COPG2: variants seen among roughly 807,000 people sequenced by gnomAD.
COPG2 encodes coatomer subunit gamma-2.
Under a neutral mutation model 46.3 loss-of-function variants are expected in COPG2, and 37 were observed. That is an observed-to-expected ratio of 0.80 (90% confidence interval 0.61 to 1.05). The LOEUF (loss-of-function observed/expected upper bound fraction) is 1.05, where lower values mean the gene tolerates loss of function less well. COPG2 is among the 50% of genes least tolerant of loss of function. The pLI is 0.00. For synonymous variants in COPG2, 159 were observed against 129.7 expected (o/e 1.23, Z -1.53); for missense variants, 427 against 387.8 (o/e 1.10, Z -0.85).
chr7:130,602,559 G>C (rs1584569256), intron 9 of COPG2, among the ~76,000 whole-genome samples: 1 of 152,116 alleles, frequency 6.6e-6, no homozygotes, highest in Non-Finnish European at 1.5e-5. Context: ...TGCAACCTCT[G>C]CCTCCTGGGT....
intron 20 of COPG2, among the ~76,000 whole-genome samples, chr7:130,537,198 A>G (rs1377060558): frequency 3.9e-5 from 6 of 152,088 alleles, no homozygotes; most frequent in African/African-American, 4.8e-5. Flanking sequence ...GGCTCCCCAG[A>G]GTGTTTTTCC....
At chr7:130,607,839 C>CA (rs1584574288) in intron 9 of COPG2, 9 of 515,548 alleles carry the variant, frequency 1.7e-5, no homozygotes, top group Middle Eastern at 6.4e-4. Context: ...AGGAGAATAG[C>CA]AAAAAAACCC....
chr7:130,533,121 G>A (rs1157676767), intron 20 of COPG2, among the ~76,000 whole-genome samples: 1 of 152,186 alleles, frequency 6.6e-6, no homozygotes, highest in East Asian at 1.9e-4. Context: ...TTATGGAGCC[G>A]AGCAGCTTAG....
chr7:130,653,052 T>C lies in COPG2; in HGVS notation c.244-104A>G. 4.2e-6 allele frequency: 3 copies of C among 710,570 alleles called. 1 individual carries two copies. The East Asian group carries it at 8.6e-5, about 20-fold the overall frequency. The allele number at this position is 710,570 out of a possible 1,614,324, so 44.0% of individuals were successfully genotyped here. A position where few individuals can be genotyped will look rare whatever the true frequency, so the allele number is the denominator to read the frequency against. On this transcript the variant is annotated intron_variant, in intron 4 of 23. Transcript: ENST00000425248. ...GTAGATATATATTTTAGAAAGATAT[T>C]CTTTAAAAGAGTCTCATCTACCAAA...
intron 21 of COPG2, 153 bp from the exon 22 acceptor site, chr7:130,507,976 C>T (rs1228822733): frequency 8.3e-6 from 5 of 600,648 alleles, no homozygotes; most frequent in Non-Finnish European, 1.5e-5. Flanking sequence ...ATGTTGTAGC[C>T]CTTAGCAAAG....
At chr7:130,517,476 A>T (rs1799688917) in intron 20 of COPG2, among the ~76,000 whole-genome samples, 1 of 152,218 alleles carries the variant, frequency 6.6e-6, no homozygotes, top group South Asian at 2.1e-4. Context: ...CTGTAGGTAG[A>T]AATTTTTGGT....
chr7:130,544,032 T>A (rs905500065), intron 20 of COPG2, among the ~76,000 whole-genome samples: 2 of 152,314 alleles, frequency 1.3e-5, no homozygotes, highest in African/African-American at 4.8e-5. Flanking sequence ...AAAGCCAGAC[T>A]GAAGCAAATT....
At chr7:130,575,791 T>C (rs1006431950) in intron 9 of COPG2, among the ~76,000 whole-genome samples, 19 of 152,222 alleles carry the variant, frequency 1.2e-4, no homozygotes, top group African/African-American at 3.6e-4. Flanking sequence ...AACTGCAAAA[T>C]GGATAACAAC....
At chr7:130,659,056 T>C (rs1338003695) in intron 4 of COPG2, among the ~76,000 whole-genome samples, 1 of 151,900 alleles carries the variant, frequency 6.6e-6, no homozygotes, top group South Asian at 2.1e-4. Flanking sequence ...GGCAAATAAG[T>C]ACATGAAAAT....
intron 5 of COPG2, among the ~76,000 whole-genome samples, chr7:130,630,617 A>C (rs1554455033): frequency 1.3e-5 from 2 of 152,118 alleles, no homozygotes; most frequent in African/African-American, 4.8e-5. Flanking sequence ...TTCTCCTTTC[A>C]ATTCTACCAA....
chr7:130,592,459 A>G (rs1794450455), intron 9 of COPG2, among the ~76,000 whole-genome samples: 2 of 152,078 alleles, frequency 1.3e-5, no homozygotes, highest in African/African-American at 4.8e-5. Flanking sequence ...TAATATGAAC[A>G]GATTAAAATT....
At chr7:130,664,176 T>G (rs1554461127) in intron 3 of COPG2, among the ~76,000 whole-genome samples, 2 of 152,336 alleles carry the variant, frequency 1.3e-5, no homozygotes. Context: ...TTTCAATATT[T>G]AATGTCTTCA....
intron 9 of COPG2, among the ~76,000 whole-genome samples, chr7:130,586,651 AC>A (rs1794276980): frequency 6.6e-6 from 1 of 151,902 alleles, no homozygotes; most frequent in Admixed American, 6.6e-5. Context: ...TTTAGTAGAG[AC>A]AGCATTTTAC....
At position 130,554,688 on chromosome 7, in the gene COPG2, T is replaced by C. The variant is rs1793590825; in HGVS notation, c.1261A>G (p.Ile421Val). Reference protein sequence around the residue: ...FEYKRAIVDCIISIVEENPES... With the variant: ...FEYKRAIVDCVISIVEENPES... ...GGGTTCTCTTCCACAATGCTGATTA[T>C]ACAGTCCACAATGGCCCGCTTGTAC... The change falls in exon 14 of 24, where the codon ATA (isoleucine) becomes GTA (valine). Residue 421 changes from isoleucine (I) to valine (V), a missense_variant. Physicochemically the swap from Ile to Val is conservative, Grantham distance 29. Coordinates refer to ENST00000425248, the MANE Select transcript of COPG2 (RefSeq NM_012133.6). The C allele has an allele frequency of 5.0e-6, 2 of 398,616 alleles. No individual in the cohort carries two copies. The highest frequency in any genetic ancestry group is 3.6e-5 in the East Asian group (1 of 28,068). 24.7% of individuals were successfully genotyped at this position (398,616 alleles called of 1,614,324 possible).
rs1799926649 is a variant in COPG2, at chr7:130,540,648, G to A, written c.2149+7026C>T. ...AGAGAGTTCCAGGCCTAATGGGGGT[G>A]GGCAGACAAAAGATGAGATGTGTTA... On this transcript the variant is annotated intron_variant, in intron 20 of 23. Coordinates refer to ENST00000425248, the MANE Select transcript of COPG2 (RefSeq NM_012133.6). Among the ~76,000 whole-genome samples, 5 of 152,116 alleles carry A rather than the reference G, an allele frequency of 3.3e-5. No individual in the cohort carries two copies. The South Asian group carries it at 8.3e-4, about 25-fold the overall frequency.
chr7:130,517,077 G>C (rs1160825466), intron 20 of COPG2, among the ~76,000 whole-genome samples: 3 of 152,090 alleles, frequency 2.0e-5, no homozygotes, highest in Non-Finnish European at 2.9e-5. Context: ...AGATATAGCA[G>C]CATGATTCTC....
chr7:130,659,981 C>T (rs933109681), intron 4 of COPG2, among the ~76,000 whole-genome samples: 1 of 152,158 alleles, frequency 6.6e-6, no homozygotes, highest in Non-Finnish European at 1.5e-5. Flanking sequence ...GTATTGATTA[C>T]AGATGTAAAC....
intron 9 of COPG2, among the ~76,000 whole-genome samples, chr7:130,572,135 G>T (rs1478679524): frequency 2.6e-5 from 4 of 152,040 alleles, no homozygotes; most frequent in African/African-American, 7.2e-5. Flanking sequence ...TACACATTGG[G>T]TATAGTGTAC....
intron 5 of COPG2, chr7:130,645,262 G>A: frequency 9.0e-6 from 6 of 665,932 alleles, no homozygotes; most frequent in South Asian, 8.1e-5. Flanking sequence ...TTGGCAAAGA[G>A]ATATTACCTG....
Sources: allele counts gnomAD v4.1 joint callset (sites outside exome capture counted in the v4.1 genomes callset), GRCh38; gene constraint gnomAD v4.1.1; transcripts MANE v1.5; gene names NCBI Gene and HGNC (gene_info 2026-07-23, HGNC 2026-07-21).